PRSS58: variants seen among roughly 807,000 people sequenced by gnomAD.
PRSS58 encodes serine protease 58.
In PRSS58, 31 loss-of-function variants were observed where a neutral mutation model predicts 25.0. That is an observed-to-expected ratio of 1.24 (90% CI 0.93 to 1.67). The LOEUF (loss-of-function observed/expected upper bound fraction) is 1.67, where lower values mean the gene tolerates loss of function less well. Among genes scored for constraint, PRSS58 ranks in the 40% most tolerant of loss-of-function variants. The pLI is 0.00. For missense variants in PRSS58, 324 were observed against 287.9 expected, an observed-to-expected ratio of 1.13 and a Z score of -0.91; for synonymous variants, 119 against 106.1, an observed-to-expected ratio of 1.12 and a Z score of -0.75.
intron 2 of PRSS58, among the ~76,000 whole-genome samples, chr7:142,256,872 G>A (rs1410840834): frequency 6.6e-6 from 1 of 152,204 alleles, no homozygotes; most frequent in East Asian, 1.9e-4. Context: ...ACTCCAGGCA[G>A]AGGCAACAGC....
intron 4 of PRSS58, among the ~76,000 whole-genome samples, chr7:142,253,567 G>A (rs1203657036): frequency 6.6e-6 from 1 of 152,160 alleles, no homozygotes; most frequent in Non-Finnish European, 1.5e-5. Context: ...TCTTTGGGAA[G>A]AAGTACTGTA....
intron 4 of PRSS58, 93 bp downstream of exon 4, chr7:142,254,962 G>T (rs1798527411): frequency 7.9e-7 from 1 of 1,270,850 alleles, no homozygotes; most frequent in East Asian, 2.3e-5. Context: ...GAGGTTAGAA[G>T]AAAGCTTCAC....
chr7:142,257,118 G>A (rs755487517), intron 2 of PRSS58, among the ~76,000 whole-genome samples: 9 of 152,204 alleles, frequency 5.9e-5, no homozygotes, highest in Non-Finnish European at 5.9e-5. Context: ...GAAGTATAGA[G>A]GTAGAGGGGT....
chr7:142,255,301 C>A lies in PRSS58; in HGVS notation c.190G>T (p.Val64Leu). The A allele has an allele frequency of 1.2e-6, 2 of 1,613,668 alleles. No individual in the cohort carries two copies. The highest frequency in any genetic ancestry group is 4.5e-5 in the East Asian group (2 of 44,850). ...GCTGGGATTGTAACCCCCAATATCA[C>A]CCGAAGCTTTCTGGAACAATATAGA... is the stretch of plus-strand genomic sequence containing the variant. ...AAHCNLPKLR[V>L]ILGVTIPADS... is the part of the protein sequence containing the mutation. Residue 64 changes from valine to leucine, a missense_variant, in exon 4 of 6, where the codon GTG becomes TTG. Transcript: ENST00000547058.
chr7:142,255,118 G>T lies in PRSS58; in HGVS notation c.373C>A (p.Gln125Lys), dbSNP rs756280562. Residue 125 changes from glutamine (Q) to lysine (K), a missense_variant, in exon 4 of 6, where the codon CAA becomes AAA. Gln to Lys is a moderately conservative substitution (Grantham distance 53, BLOSUM62 1). Transcript: ENST00000547058. ...DYVKLANLPYQTISENTMCSV... is the reference protein window; with the variant it reads ...DYVKLANLPYKTISENTMCSV... ...CACATGGTATTTTCAGAGATAGTTT[G>T]GTAGGGCAGGTTGGCTAATTTCACA... is the stretch of plus-strand genomic sequence containing the variant. The T allele has an allele frequency of 1.9e-6, 3 of 1,613,892 alleles. No individual in the cohort carries two copies. The highest frequency in any genetic ancestry group is 1.3e-5 in the African/African-American group (1 of 75,036).
At chr7:142,252,711 G>A in intron 4 of PRSS58, 100 bp from the exon 5 acceptor site, 1 of 1,284,100 alleles carries the variant, frequency 7.8e-7, no homozygotes, top group Non-Finnish European at 1.1e-6. Flanking sequence ...AATTAAAAGA[G>A]ATCAAACATT....
intron 4 of PRSS58, 29 bp downstream of exon 4, chr7:142,255,026 C>T (rs756335554): frequency 3.1e-6 from 5 of 1,609,792 alleles, no homozygotes; most frequent in Non-Finnish European, 4.2e-6. Flanking sequence ...ATGTCTAATT[C>T]TGAGAGAAGA....
chr7:142,257,197 G>A (rs1353424176), intron 2 of PRSS58, among the ~76,000 whole-genome samples: 1 of 152,110 alleles, frequency 6.6e-6, no homozygotes, highest in East Asian at 1.9e-4. Flanking sequence ...CAGTGGAGAT[G>A]GTGAGATGTG....
intron 2 of PRSS58, among the ~76,000 whole-genome samples, chr7:142,256,503 G>A (rs190575268): frequency 1.1e-4 from 17 of 152,300 alleles, no homozygotes; most frequent in Admixed American, 7.8e-4. Context: ...TCACTCTGTT[G>A]CTCAGATTGG....
intron 2 of PRSS58, 69 bp from the exon 3 acceptor site, chr7:142,255,742 T>A (rs1336009404): frequency 7.1e-7 from 1 of 1,418,042 alleles, no homozygotes; most frequent in Non-Finnish European, 9.6e-7. Context: ...TTCAGGAAAG[T>A]CATTTAATAG....
intron 4 of PRSS58, among the ~76,000 whole-genome samples, chr7:142,252,888 A>G (rs1798493364): frequency 6.6e-6 from 1 of 152,228 alleles, no homozygotes; most frequent in South Asian, 2.1e-4. Context: ...CTTTGTCTTA[A>G]ACTTTTCTGG....
At chr7:142,253,032 GA>G (rs1195206535) in intron 4 of PRSS58, among the ~76,000 whole-genome samples, 2 of 152,082 alleles carry the variant, frequency 1.3e-5, no homozygotes, top group East Asian at 3.9e-4. Context: ...ACTAAAAATA[GA>G]AAAATTAGCT....
chr7:142,257,527 A>T, intron 2 of PRSS58, 141 bp downstream of exon 2: 4 of 718,046 alleles, frequency 5.6e-6, no homozygotes, highest in Admixed American at 2.4e-5. Flanking sequence ...AGGAAACTTG[A>T]TGGGAACGGG....
At chr7:142,252,634 ACTTC>A (rs746879619) in intron 4 of PRSS58, 23 bp from the exon 5 acceptor site, 1 of 1,595,806 alleles carries the variant, frequency 6.3e-7, no homozygotes, top group Non-Finnish European at 8.5e-7. Context: ...TAGAAGTCAA[ACTTC>A]CTTAAGAGTT....
intron 2 of PRSS58, among the ~76,000 whole-genome samples, chr7:142,257,170 G>T (rs1585255022): frequency 6.6e-6 from 1 of 152,260 alleles, no homozygotes; most frequent in East Asian, 1.9e-4. Flanking sequence ...AGAGGTGGTG[G>T]CTTAGATCAT....
chr7:142,256,876 C>A (rs1401836376), intron 2 of PRSS58, among the ~76,000 whole-genome samples: 4 of 152,108 alleles, frequency 2.6e-5, no homozygotes, highest in African/African-American at 9.7e-5. Context: ...CAGGCAGAGG[C>A]AACAGCTGCA....
intron 3 of PRSS58, 59 bp from the exon 4 acceptor site, chr7:142,255,370 G>T: frequency 1.3e-6 from 2 of 1,590,098 alleles, no homozygotes; most frequent in Non-Finnish European, 1.7e-6. Context: ...CCATCATTAT[G>T]AGCCTCTATT....
chr7:142,256,533 G>A (rs1318062728), intron 2 of PRSS58, among the ~76,000 whole-genome samples: 2 of 152,114 alleles, frequency 1.3e-5, no homozygotes, highest in African/African-American at 4.8e-5. Flanking sequence ...GCAAGATCAG[G>A]CTCACTGCAG....
At chr7:142,255,706 G>A (rs772225303) in intron 2 of PRSS58, 33 bp from the exon 3 acceptor site, 3 of 1,558,470 alleles carry the variant, frequency 1.9e-6, no homozygotes, top group Non-Finnish European at 2.6e-6. Context: ...GAAATTCCAA[G>A]ATTTCTCAGT....
Sources: gnomAD v4.1 joint callset for allele counts (sites outside exome capture counted in the v4.1 genomes callset) on GRCh38, gnomAD v4.1.1 for gene constraint, MANE v1.5 for transcripts, NCBI Gene and HGNC (gene_info 2026-07-23, HGNC 2026-07-21) for gene names.